TIAM2: variants seen among roughly 807,000 people sequenced by gnomAD.
TIAM2 encodes the protein rho guanine nucleotide exchange factor TIAM2.
Under a neutral mutation model 152.9 loss-of-function variants are expected in TIAM2, and 80 were observed. That is an observed-to-expected ratio of 0.52 (90% CI 0.44 to 0.63). The LOEUF (loss-of-function observed/expected upper bound fraction) is 0.63, where lower values mean the gene tolerates loss of function less well. TIAM2 is among the 30% of genes least tolerant of loss of function. TIAM2 has a pLI of 0.00. For synonymous variants in TIAM2, 804 were observed against 838.0 expected (o/e 0.96, Z 0.70); for missense variants, 1,965 against 2,120.1 (o/e 0.93, Z 1.44).
intron 6 of TIAM2, among the ~76,000 whole-genome samples, 179 bp downstream of exon 6, chr6:155,144,957 C>A (rs1479969955): frequency 1.3e-5 from 2 of 152,184 alleles, no homozygotes; most frequent in African/African-American, 4.8e-5. Context: ...CATCAGCAAT[C>A]CAGTCATTCA....
chr6:155,185,743 G>A lies in TIAM2; in HGVS notation c.3064+2243G>A, dbSNP rs368212724. Among the ~76,000 whole-genome samples the A allele has an allele frequency of 3.9e-5, 6 of 152,208 alleles. No homozygotes were observed. In the East Asian group the frequency reaches 1.2e-3, roughly 29 times the overall value. On this transcript the variant is annotated intron_variant, in intron 14 of 26. Coordinates refer to ENST00000682666, the MANE Select transcript of TIAM2 (RefSeq NM_012454.4). Reference sequence around the variant, plus strand: ...TGCAGGTTCTTCCACTACCAGCCTAGTGGGAGCCACTAACCCTTTCCTGGT... The same window carrying A: ...TGCAGGTTCTTCCACTACCAGCCTAATGGGAGCCACTAACCCTTTCCTGGT...
At chr6:155,152,493 G>T (rs1024827348) in intron 7 of TIAM2, among the ~76,000 whole-genome samples, 3 of 152,186 alleles carry the variant, frequency 2.0e-5, no homozygotes, top group Non-Finnish European at 4.4e-5. Context: ...AGTCCATGTG[G>T]AGGTGATGGG....
intron 1 of TIAM2, among the ~76,000 whole-genome samples, chr6:155,020,360 G>A (rs1177288534): frequency 2.6e-5 from 4 of 152,168 alleles, no homozygotes; most frequent in Non-Finnish European, 2.9e-5. Flanking sequence ...AACTAGACAC[G>A]TTGAGGTATA....
intron 2 of TIAM2, among the ~76,000 whole-genome samples, chr6:155,101,882 T>G (rs928689833): frequency 4.6e-5 from 7 of 152,122 alleles, no homozygotes; most frequent in African/African-American, 1.7e-4. Context: ...TTGTATTTTT[T>G]TAGTAGAGAT....
chr6:154,997,629 A>ATTTTTTTTT (rs57280691), intron 1 of TIAM2, among the ~76,000 whole-genome samples: 1 of 62,110 alleles, frequency 1.6e-5, no homozygotes, highest in African/African-American at 6.8e-5. Context: ...GAAAGAATGG[A>ATTTTTTTTT]TTTTTTTTTT....
At chr6:155,024,401 T>A (rs1776558103) in intron 1 of TIAM2, among the ~76,000 whole-genome samples, 1 of 152,098 alleles carries the variant, frequency 6.6e-6, no homozygotes. Context: ...ACAAATTTCC[T>A]GGAAGAAATT....
At chr6:155,162,072 C>T (rs139309436) in intron 7 of TIAM2, among the ~76,000 whole-genome samples, 1,637 of 152,266 alleles carry the variant, frequency 0.011, 30 homozygotes, top group African/African-American at 0.038. Context: ...ATCCTCCCAC[C>T]TCAGCCTCTC....
chr6:155,152,282 G>A (rs1779990348), intron 7 of TIAM2, among the ~76,000 whole-genome samples: 1 of 152,234 alleles, frequency 6.6e-6, no homozygotes, highest in Admixed American at 6.5e-5. Flanking sequence ...TGCAGGAGGT[G>A]GAAGGCTTTG....
At chr6:155,038,487 C>T (rs911353157) in intron 1 of TIAM2, among the ~76,000 whole-genome samples, 6 of 152,210 alleles carry the variant, frequency 3.9e-5, no homozygotes, top group East Asian at 1.9e-4. Flanking sequence ...GAAGGTGCTG[C>T]GCCAAGCACT....
chr6:155,135,263 C>G (rs747842948), intron 4 of TIAM2, among the ~76,000 whole-genome samples: 1 of 152,112 alleles, frequency 6.6e-6, no homozygotes, highest in Non-Finnish European at 1.5e-5. Flanking sequence ...TATTCTCTTA[C>G]AAAACAGCAA....
chr6:155,066,761 TG>T (rs1777701437), intron 1 of TIAM2, among the ~76,000 whole-genome samples: 1 of 149,878 alleles, frequency 6.7e-6, no homozygotes, highest in African/African-American at 2.4e-5. Flanking sequence ...TTTGTTTGTT[TG>T]TTTGTTTTTT....
In TIAM2 at chr6:155,163,870, T is replaced by C. The variant is rs141298914; in HGVS notation, c.2029-545T>C. ...ATTCTCCAAACAAACATCATGCCTTTTTGGCATGTCACTGTATTGGGACCA... is the reference window on the plus strand; with the variant it reads ...ATTCTCCAAACAAACATCATGCCTTCTTGGCATGTCACTGTATTGGGACCA... On this transcript the variant is annotated intron_variant, in intron 7 of 26. Coordinates refer to ENST00000682666, the MANE Select transcript of TIAM2 (RefSeq NM_012454.4). Among the ~76,000 whole-genome samples, 447 of 152,328 alleles carry C rather than the reference T, an allele frequency of 2.9e-3. 2 individuals are homozygous for C. The highest frequency in any genetic ancestry group is 0.01 in the African/African-American group (424 of 41,568).
intron 2 of TIAM2, among the ~76,000 whole-genome samples, chr6:155,098,801 C>T (rs1399246334): frequency 1.3e-5 from 2 of 152,298 alleles, no homozygotes; most frequent in Non-Finnish European, 2.9e-5. Flanking sequence ...ATTTTTATGT[C>T]ACAATATTTG....
intron 14 of TIAM2, among the ~76,000 whole-genome samples, chr6:155,205,182 T>A (rs1781566865): frequency 2.5e-5 from 1 of 40,546 alleles, no homozygotes; most frequent in Non-Finnish European, 5.2e-5. Flanking sequence ...TATTAATTTC[T>A]AAAAAAAAAA....
chr6:155,048,210 C>G (rs115894724), intron 1 of TIAM2, among the ~76,000 whole-genome samples: 1,935 of 152,224 alleles, frequency 0.013, 22 homozygotes, highest in African/African-American at 0.031. Context: ...GACTTGGACT[C>G]CTGAAGTGGT....
intron 1 of TIAM2, among the ~76,000 whole-genome samples, chr6:155,070,807 AG>A (rs1377290192): frequency 6.6e-6 from 1 of 152,078 alleles, no homozygotes; most frequent in Non-Finnish European, 1.5e-5. Context: ...GTTCCCAAAG[AG>A]CTCCTTTATT....
At chr6:155,037,190 T>C (rs1211875760) in intron 1 of TIAM2, among the ~76,000 whole-genome samples, 1 of 152,120 alleles carries the variant, frequency 6.6e-6, no homozygotes, top group Non-Finnish European at 1.5e-5. Context: ...TGTAGGTAAA[T>C]TTTCTGAGCT....
intron 16 of TIAM2, among the ~76,000 whole-genome samples, chr6:155,241,669 T>A (rs1166790644): frequency 6.6e-6 from 1 of 152,146 alleles, no homozygotes; most frequent in African/African-American, 2.4e-5. Flanking sequence ...ACAGGTAGCT[T>A]CCCAAAGCCC....
Position 155,256,990 on chromosome 6 carries a change from C to T in TIAM2, c.4975C>T (p.Leu1659Phe). 1 of 1,614,184 alleles carries T rather than the reference C, an allele frequency of 6.2e-7. No homozygotes were observed. Among genetic ancestry groups the T allele is most frequent in the Non-Finnish European group, 8.5e-7 (1 of 1,180,038 alleles). The change falls in exon 27 of 27, where the codon CTT (leucine) becomes TTT (phenylalanine). Residue 1659 changes from leucine (L) to phenylalanine (F), a missense_variant. By Grantham distance (22) the Leu-to-Phe change is conservative. Transcript: ENST00000682666. ...CAAGGCGCAGATCCGTCACCAGTCCCTTGACAGTCAGTCTGAAAATGCCAC... is the reference window on the plus strand; with the variant it reads ...CAAGGCGCAGATCCGTCACCAGTCCTTTGACAGTCAGTCTGAAAATGCCAC... Reference protein sequence around the residue: ...LLKAQIRHQSLDSQSENATID... With the variant: ...LLKAQIRHQSFDSQSENATID...
Sources: gnomAD v4.1 joint callset for allele counts (sites outside exome capture counted in the v4.1 genomes callset) on GRCh38, gnomAD v4.1.1 for gene constraint, MANE v1.5 for transcripts, NCBI Gene and HGNC (gene_info 2026-07-23, HGNC 2026-07-21) for gene names.